The following TBCK variants were observed in gnomAD, a reference collection of about 807,000 sequenced individuals.
The protein encoded by TBCK is TBC1 domain containing kinase.
In TBCK, 99 loss-of-function variants were observed where a neutral mutation model predicts 113.4. The ratio of observed to expected loss-of-function variants is 0.87; its 90% CI spans 0.74 to 1.03. The LOEUF is 1.03. Among genes scored for constraint, TBCK ranks in the 50% least tolerant of loss-of-function variants. The pLI is 0.00. For synonymous variants in TBCK, 369 were observed against 370.8 expected (o/e 1.00, Z 0.05); for missense variants, 1,045 against 1,061.3 (o/e 0.98, Z 0.21).
At chr4:106,233,489 C>T (rs1759103960) in intron 16 of TBCK, 99 bp downstream of exon 16, 1 of 872,224 alleles carries the variant, frequency 1.1e-6, no homozygotes, top group East Asian at 2.6e-5. Context: ...AGCAGTGTCT[C>T]TGTATTCATG....
chr4:106,302,260 A>G (rs1767023439), intron 2 of TBCK, among the ~76,000 whole-genome samples: 1 of 152,152 alleles, frequency 6.6e-6, no homozygotes, highest in Non-Finnish European at 1.5e-5. Flanking sequence ...AGTAAACAGC[A>G]ATATAGTGGA....
intron 25 of TBCK, among the ~76,000 whole-genome samples, chr4:106,058,763 A>G (rs1282633877): frequency 6.6e-6 from 1 of 151,756 alleles, no homozygotes; most frequent in Non-Finnish European, 1.5e-5. Flanking sequence ...AGTCATAGAT[A>G]TTTTAGCAAC....
chr4:106,308,984 G>C lies in TBCK; in HGVS notation c.-24C>G. On this transcript the variant is annotated 5_prime_UTR_variant, in exon 2 of 26. In the 5' UTR this introduces an upstream ATG that the reference lacks. Transcript: ENST00000394708. The stretch of plus-strand genomic sequence containing the variant: ...ATTTTTGGAGTCCTAGGTCTTCTAA[G>C]ATAATCTGGAAAAGGAGAGAATTTT... 2 of 1,592,382 alleles carry C rather than the reference G, an allele frequency of 1.3e-6. No homozygotes were observed. The highest frequency in any genetic ancestry group is 1.7e-6 in the Non-Finnish European group (2 of 1,169,034).
rs76103631 is a variant in TBCK at position 106,240,703 on chromosome 4, T to G, written c.1170+1767A>C. On this transcript the variant is annotated intron_variant, in intron 12 of 25. Transcript: ENST00000394708. ...TCTATACATTTTACTATATGAAAAT[T>G]TTGCCTAGAAAAGAACTATAAACAA... Among the ~76,000 whole-genome samples, 84 of 152,118 alleles carry G rather than the reference T, an allele frequency of 5.5e-4. 1 individual carries two copies. The East Asian group carries it at 0.014, about 26-fold the overall frequency.
chr4:106,236,495 G>A lies in TBCK; in HGVS notation c.1245C>T (p.Asn415=). The A allele has an allele frequency of 1.3e-6, 2 of 1,564,186 alleles. No homozygotes were observed. Among genetic ancestry groups the A allele is most frequent in the South Asian group, 1.2e-5 (1 of 80,952 alleles). Residue 415 remains asparagine (N), a synonymous_variant, in exon 14 of 26, where the codon AAC becomes AAT. Coordinates refer to ENST00000394708, the MANE Select transcript of TBCK (RefSeq NM_001163435.3). ...CAGCTGCAGACAACTCATTATTGCT[G>A]TTTGAATGAGGTAAATTAGACTGGC... ...EDDQSNLPHS[N]SNNELSAAAT...
rs191280415 is a variant in TBCK, at chr4:106,309,608, G to T, written c.-29-619C>A. 3.6e-4 allele frequency among the ~76,000 whole-genome samples: 55 copies of T among 151,984 alleles called. 1 individual carries two copies. In the East Asian group the frequency reaches 9.1e-3, roughly 25 times the overall value. ...TGAGCCACCACACCCAGCCAATAAG[G>T]CTCCTCTCTTTACCTAAAGATTGAA... On this transcript the variant is annotated intron_variant, in intron 1 of 25. Coordinates refer to ENST00000394708, the MANE Select transcript of TBCK (RefSeq NM_001163435.3).
chr4:106,251,957 G>A lies in TBCK; in HGVS notation c.506C>T (p.Thr169Ile). The change falls in exon 6 of 26, where the codon ACC becomes ATC. Residue 169 changes from threonine (T) to isoleucine (I), a missense_variant. Coordinates refer to ENST00000394708, the MANE Select transcript of TBCK (RefSeq NM_001163435.3). ...TTTTTTACTTGGCATGTGATCAGTG[G>A]TTTTGAAAATTCCCTGTGCAATTAC... ...PEVIAQGIFK[T>I]TDHMPSKKPL... 1 of 1,611,908 alleles carries A rather than the reference G, an allele frequency of 6.2e-7. No individual in the cohort carries two copies. Among genetic ancestry groups the A allele is most frequent in the Non-Finnish European group, 8.5e-7 (1 of 1,178,576 alleles).
At chr4:106,076,556 C>T (rs2070982010) in intron 25 of TBCK, among the ~76,000 whole-genome samples, 1 of 152,086 alleles carries the variant, frequency 6.6e-6, no homozygotes, top group South Asian at 2.1e-4. Context: ...ATCCCCAAGA[C>T]ACACAGTCAT....
At chr4:106,200,579 G>A (rs1409362101) in intron 20 of TBCK, among the ~76,000 whole-genome samples, 2 of 151,748 alleles carry the variant, frequency 1.3e-5, no homozygotes, top group Admixed American at 1.3e-4. Flanking sequence ...CTTTACCTGA[G>A]CACATAACAT....
chr4:106,260,866 T>C (rs1762441448), intron 4 of TBCK, among the ~76,000 whole-genome samples: 1 of 151,958 alleles, frequency 6.6e-6, no homozygotes. Context: ...GAATGTTTTG[T>C]GGTAATTTTC....
intron 23 of TBCK, among the ~76,000 whole-genome samples, chr4:106,120,843 A>G (rs1423853039): frequency 6.6e-6 from 1 of 152,146 alleles, no homozygotes; most frequent in East Asian, 1.9e-4. Context: ...GACCAAAAGC[A>G]GATAAAACCA....
chr4:106,263,442 A>C (rs1318581928), intron 3 of TBCK, among the ~76,000 whole-genome samples: 1 of 151,950 alleles, frequency 6.6e-6, no homozygotes, highest in African/African-American at 2.4e-5. Context: ...TGAGAAACGC[A>C]CTAAATAAAA....
intron 12 of TBCK, 90 bp from the exon 13 acceptor site, chr4:106,236,898 T>TA (rs2150012189): frequency 3.2e-6 from 2 of 629,458 alleles, no homozygotes; most frequent in Admixed American, 7.5e-5. Context: ...ATAACAACTA[T>TA]AAATTTATAA....
At chr4:106,222,351 T>C (rs1039128105) in intron 19 of TBCK, among the ~76,000 whole-genome samples, 4 of 152,122 alleles carry the variant, frequency 2.6e-5, no homozygotes, top group Admixed American at 6.6e-5. Context: ...AATAAATTTA[T>C]TGTAAGAATT....
At chr4:106,242,690 GATGTTTAATAA>G (rs1414987525) in intron 11 of TBCK, 121 bp from the exon 12 acceptor site, 2 of 551,012 alleles carry the variant, frequency 3.6e-6, no homozygotes, top group Admixed American at 7.0e-5. Flanking sequence ...CTTTAGACTG[GATGTTTAATAA>G]AACAATGTTT....
intron 19 of TBCK, among the ~76,000 whole-genome samples, chr4:106,213,995 T>C (rs1240167496): frequency 6.6e-6 from 1 of 152,106 alleles, no homozygotes. Context: ...AGAGCAGTGG[T>C]TCTCCCAGCA....
In TBCK at chr4:106,220,275, T is replaced by A. The variant is rs112720262; in HGVS notation, c.1775-7440A>T. Among the ~76,000 whole-genome samples the A allele has an allele frequency of 3.7e-3, 557 of 152,246 alleles. 3 individuals carry two copies. Among genetic ancestry groups the A allele is most frequent in the African/African-American group, 0.013 (529 of 41,540 alleles). ...AATAAGTCTCACGAGATCTGACGGG[T>A]TCTTCAGGGGTTTCTGCTTTTGCTT... On this transcript the variant is annotated intron_variant, in intron 19 of 25. Coordinates refer to ENST00000394708, the MANE Select transcript of TBCK (RefSeq NM_001163435.3).
intron 25 of TBCK, among the ~76,000 whole-genome samples, chr4:106,054,310 C>T (rs1209728543): frequency 6.6e-6 from 1 of 151,684 alleles, no homozygotes; most frequent in Admixed American, 6.6e-5. Flanking sequence ...ATGACTGCTT[C>T]TATCCTTGCC....
chr4:106,289,934 C>T (rs1765516335), intron 3 of TBCK, among the ~76,000 whole-genome samples: 1 of 152,036 alleles, frequency 6.6e-6, no homozygotes, highest in East Asian at 1.9e-4. Context: ...CCAAGGATGC[C>T]TAACTAGTTA....
Sources: allele counts gnomAD v4.1 joint callset (sites outside exome capture counted in the v4.1 genomes callset), GRCh38; gene constraint gnomAD v4.1.1; transcripts MANE v1.5; gene names NCBI Gene and HGNC (gene_info 2026-07-23, HGNC 2026-07-21).